RAB38: variants seen among roughly 807,000 people sequenced by gnomAD.
RAB38 encodes RAB38, member RAS oncogene family.
In RAB38, 15 loss-of-function variants were observed where a neutral mutation model predicts 18.4. That is an observed-to-expected ratio of 0.82 (90% CI 0.55 to 1.26). The LOEUF is 1.26. Among genes scored for constraint, RAB38 ranks in the 50% most tolerant of loss-of-function variants. RAB38 has a pLI of 0.00. For synonymous variants in RAB38, 101 were observed against 104.4 expected, an observed-to-expected ratio of 0.97 and a Z score of 0.20; for missense variants, 294 against 267.4, an observed-to-expected ratio of 1.10 and a Z score of -0.69.
At chr11:88,138,406 G>A (rs1029650092) in intron 2 of RAB38, among the ~76,000 whole-genome samples, 2 of 152,166 alleles carry the variant, frequency 1.3e-5, no homozygotes, top group Non-Finnish European at 2.9e-5. Context: ...AGATGGGGAA[G>A]TGGGGTAAGT....
At chr11:88,118,151 T>G (rs1942582120) in intron 2 of RAB38, among the ~76,000 whole-genome samples, 1 of 152,114 alleles carries the variant, frequency 6.6e-6, no homozygotes, top group South Asian at 2.1e-4. Context: ...CCCCCCCAAA[T>G]ATATCCCAAA....
At chr11:87,878,257 TC>T in the RAB38 span, among the ~76,000 whole-genome samples, 1 of 93,722 alleles carries the variant, frequency 1.1e-5, no homozygotes, top group African/African-American at 5.4e-5. Flanking sequence ...CTATCATCTA[TC>T]TATCTATCTA....
At chr11:87,852,635 A>G in the RAB38 span, among the ~76,000 whole-genome samples, 4 of 152,294 alleles carry the variant, frequency 2.6e-5, no homozygotes, top group East Asian at 7.7e-4. Context: ...TAACAATAAA[A>G]TGTTATTTTC....
At chr11:87,977,253 A>C in the RAB38 span, among the ~76,000 whole-genome samples, 1 of 117,386 alleles carries the variant, frequency 8.5e-6, no homozygotes, top group Non-Finnish European at 1.7e-5. Context: ...TATAAAATAT[A>C]ATTATATTAT....
At chr11:87,917,498 A>G in the RAB38 span, among the ~76,000 whole-genome samples, 1 of 140,584 alleles carries the variant, frequency 7.1e-6, no homozygotes, top group African/African-American at 2.6e-5. Flanking sequence ...CAGTAGATCT[A>G]TTGAACTTAT....
At chr11:87,850,386 C>A in the RAB38 span, among the ~76,000 whole-genome samples, 1 of 152,032 alleles carries the variant, frequency 6.6e-6, no homozygotes, top group African/African-American at 2.4e-5. Flanking sequence ...CCCTCATTCC[C>A]CTATAACTGA....
the RAB38 span, among the ~76,000 whole-genome samples, chr11:87,919,486 G>C: frequency 2.6e-5 from 4 of 151,666 alleles, no homozygotes; most frequent in Non-Finnish European, 4.4e-5. Flanking sequence ...TTAATAAGCT[G>C]TTGAATTTGG....
the RAB38 span, among the ~76,000 whole-genome samples, chr11:87,937,351 T>A: frequency 8.9e-6 from 1 of 112,108 alleles, no homozygotes; most frequent in Non-Finnish European, 2.0e-5. Flanking sequence ...TATATATATA[T>A]CATAATTCTA....
chr11:88,174,201 T>C (rs1943347335), intron 1 of RAB38: 2 of 640,282 alleles, frequency 3.1e-6, no homozygotes, highest in Non-Finnish European at 3.9e-6. Flanking sequence ...CCAAAGCCAC[T>C]GAGCAGGTTA....
the RAB38 span, among the ~76,000 whole-genome samples, chr11:87,859,619 T>C: frequency 2.6e-5 from 4 of 151,982 alleles, no homozygotes; most frequent in Admixed American, 1.3e-4. Flanking sequence ...TATCTTTTGG[T>C]TGTGATTGAG....
At position 88,160,401 on chromosome 11, in the gene RAB38, A is replaced by G. The variant is rs138596204; in HGVS notation, c.203-10446T>C. On this transcript the variant is annotated intron_variant, in intron 1 of 2. Transcript: ENST00000243662. The stretch of plus-strand genomic sequence containing the variant: ...AGTGGGAATGAAAATAAGTTCAGCC[A>G]TCATGGAAAGCAGTTTGGAGATTTC... Among the ~76,000 whole-genome samples, 853 of 152,266 alleles carry G rather than the reference A, an allele frequency of 5.6e-3. 5 individuals are homozygous for G. The highest frequency in any genetic ancestry group is 0.02 in the African/African-American group (813 of 41,568).
the RAB38 span, among the ~76,000 whole-genome samples, chr11:87,940,731 C>T: frequency 6.6e-6 from 1 of 152,150 alleles, no homozygotes; most frequent in Non-Finnish European, 1.5e-5. Flanking sequence ...GAAACCTCTG[C>T]CTCCTGGGAT....
At chr11:88,146,704 G>C (rs1284677023) in intron 2 of RAB38, among the ~76,000 whole-genome samples, 1 of 152,176 alleles carries the variant, frequency 6.6e-6, no homozygotes, top group Admixed American at 6.5e-5. Context: ...TCTCAGTGTT[G>C]ACTTTGAATA....
chr11:87,956,983 T>TGG, the RAB38 span, among the ~76,000 whole-genome samples: 2,754 of 149,152 alleles, frequency 0.018, 32 homozygotes, highest in Admixed American at 0.024. Context: ...TGCAGTTTTT[T>TGG]GGGGGGGGGT....
chr11:87,834,612 G>A, the RAB38 span, among the ~76,000 whole-genome samples: 1 of 152,096 alleles, frequency 6.6e-6, no homozygotes, highest in South Asian at 2.1e-4. Flanking sequence ...CAGAATTTGG[G>A]GCGAAATTCA....
At chr11:87,835,550 T>C in the RAB38 span, among the ~76,000 whole-genome samples, 1 of 152,174 alleles carries the variant, frequency 6.6e-6, no homozygotes, top group Non-Finnish European at 1.5e-5. Flanking sequence ...GTTTTAGACA[T>C]AGGGTCTTTA....
At chr11:87,893,390 A>ATATATATTT in the RAB38 span, among the ~76,000 whole-genome samples, 3 of 93,916 alleles carry the variant, frequency 3.2e-5, no homozygotes, top group African/African-American at 7.4e-5. Context: ...ATATATATAT[A>ATATATATTT]TTTTTTTTTT....
chr11:87,942,779 C>T, the RAB38 span, among the ~76,000 whole-genome samples: 1,658 of 152,268 alleles, frequency 0.011, 27 homozygotes, highest in African/African-American at 0.035. Context: ...CCACAATTCT[C>T]ACTTAGAGGA....
At chr11:88,065,545 G>T in the RAB38 span, among the ~76,000 whole-genome samples, 1 of 152,130 alleles carries the variant, frequency 6.6e-6, no homozygotes, top group African/African-American at 2.4e-5. Flanking sequence ...ATCTTCTTTC[G>T]GGAAGAGTTA....
Sources: allele counts gnomAD v4.1 joint callset (sites outside exome capture counted in the v4.1 genomes callset), GRCh38; gene constraint gnomAD v4.1.1; transcripts MANE v1.5; gene names NCBI Gene and HGNC (gene_info 2026-07-23, HGNC 2026-07-21).